PXDNL: variants seen among roughly 807,000 people sequenced by gnomAD.
PXDNL encodes the protein probable oxidoreductase PXDNL.
PXDNL carries 145 observed loss-of-function variants against 150.8 expected under a neutral mutation model. That is an observed-to-expected ratio of 0.96 (90% CI 0.84 to 1.10). PXDNL has a LOEUF of 1.10. Ranked by LOEUF, PXDNL falls within the 50% of genes least tolerant of loss-of-function variation. The pLI, the probability that PXDNL is intolerant of heterozygous loss-of-function variation, is 0.00. For missense variants in PXDNL, 2,087 were observed against 1,873.9 expected (o/e 1.11, Z -2.10); for synonymous variants, 757 against 725.7 (o/e 1.04, Z -0.69).
At chr8:51,549,009 A>C (rs1170809158) in intron 4 of PXDNL, among the ~76,000 whole-genome samples, 6 of 152,218 alleles carry the variant, frequency 3.9e-5, no homozygotes, top group Non-Finnish European at 5.9e-5. Flanking sequence ...ATGGAAACCA[A>C]AAGCAAGCAG....
chr8:51,772,907 C>A (rs1004398727), intron 1 of PXDNL, among the ~76,000 whole-genome samples: 20 of 152,194 alleles, frequency 1.3e-4, no homozygotes, highest in African/African-American at 4.8e-4. Flanking sequence ...AGCAAGACAA[C>A]TACACAAGGC....
At chr8:51,744,791 AAGAGAAAGAG>A (rs2036958983) in intron 1 of PXDNL, among the ~76,000 whole-genome samples, 3 of 150,492 alleles carry the variant, frequency 2.0e-5, no homozygotes, top group African/African-American at 7.3e-5. Context: ...AAGAGAGAAA[AAGAGAAAGAG>A]AGAGAAAGAA....
intron 2 of PXDNL, among the ~76,000 whole-genome samples, chr8:51,607,130 G>A (rs34249726): frequency 0.084 from 12,846 of 152,106 alleles, 622 homozygotes; most frequent in South Asian, 0.095. Flanking sequence ...GAACACTTTA[G>A]AAACCAATAT....
intron 1 of PXDNL, among the ~76,000 whole-genome samples, chr8:51,667,477 G>A (rs982356262): frequency 1.3e-5 from 2 of 152,054 alleles, no homozygotes; most frequent in South Asian, 2.1e-4. Flanking sequence ...TACTACTTAC[G>A]CAAAAATAGT....
At position 51,409,446 on chromosome 8, in the gene PXDNL, C is replaced by A; in HGVS notation, c.2178G>T (p.Lys726Asn). ...TGCACGTGCCGTCGTGGGCGCGGTACTTCGCATGGAAACACCGGTTGGAGC... is the reference window on the plus strand; with the variant it reads ...TGCACGTGCCGTCGTGGGCGCGGTAATTCGCATGGAAACACCGGTTGGAGC... ...PNCSNRCFHAKYRAHDGTCNN... is the reference protein window; with the variant it reads ...PNCSNRCFHANYRAHDGTCNN... The change falls in exon 17 of 23, where the codon AAG becomes AAT. Residue 726 changes from lysine to asparagine, a missense_variant. Coordinates refer to ENST00000356297, the MANE Select transcript of PXDNL (RefSeq NM_144651.5). The A allele has an allele frequency of 6.2e-7, 1 of 1,612,710 alleles. No homozygotes were observed. The highest frequency in any genetic ancestry group is 1.1e-5 in the South Asian group (1 of 91,080).
intron 6 of PXDNL, among the ~76,000 whole-genome samples, chr8:51,481,283 CAA>C (rs1810598456): frequency 6.6e-6 from 1 of 152,124 alleles, no homozygotes; most frequent in Non-Finnish European, 1.5e-5. Flanking sequence ...TCTTCCTATG[CAA>C]AGAGACTGGT....
rs889848800 is a variant in PXDNL, at chr8:51,599,722, T to G, written c.237-7024A>C. Among the ~76,000 whole-genome samples, 979 of 145,254 alleles carry G rather than the reference T, an allele frequency of 6.7e-3. 6 individuals carry two copies. Among genetic ancestry groups the G allele is most frequent in the South Asian group, 0.013 (58 of 4,626 alleles). ...TATCTTATATAAATGATGTCATTTA[T>G]ATAATAAATTATATCTTATATAAAT... On this transcript the variant is annotated intron_variant, in intron 2 of 22. Transcript: ENST00000356297.
chr8:51,464,055 A>C (rs1246597768), intron 8 of PXDNL, among the ~76,000 whole-genome samples: 1 of 152,058 alleles, frequency 6.6e-6, no homozygotes, highest in Non-Finnish European at 1.5e-5. Context: ...ACTAACCCAA[A>C]AGTGAAGCAG....
intron 8 of PXDNL, among the ~76,000 whole-genome samples, chr8:51,459,569 A>G (rs1810017518): frequency 6.6e-6 from 1 of 152,220 alleles, no homozygotes; most frequent in Non-Finnish European, 1.5e-5. Flanking sequence ...TTCAAAATGC[A>G]TCATTCCTTT....
intron 1 of PXDNL, among the ~76,000 whole-genome samples, chr8:51,739,270 A>G (rs1054084261): frequency 6.6e-6 from 1 of 152,168 alleles, no homozygotes; most frequent in Non-Finnish European, 1.5e-5. Context: ...GAGCATCTAT[A>G]AAAGTCCAAC....
chr8:51,736,930 C>G (rs181884394), intron 1 of PXDNL, among the ~76,000 whole-genome samples: 2 of 152,178 alleles, frequency 1.3e-5, no homozygotes. Flanking sequence ...TTTTTAATAC[C>G]TAAAATGAAT....
Position 51,527,508 on chromosome 8 carries a change from T to C in PXDNL, c.381-27738A>G, listed in dbSNP as rs530590041. Among the ~76,000 whole-genome samples the C allele has an allele frequency of 1.1e-4, 16 of 152,354 alleles. No homozygotes were observed. The East Asian group carries it at 2.9e-3, about 28-fold the overall frequency. The stretch of plus-strand genomic sequence containing the variant: ...GCCAAACACTGTTCCAGCTGCTTTA[T>C]ATGAAGTATCCGATTTGTTCTACAA... On this transcript the variant is annotated intron_variant, in intron 4 of 22. Coordinates refer to ENST00000356297, the MANE Select transcript of PXDNL (RefSeq NM_144651.5).
chr8:51,510,879 T>A (rs1004500238), intron 4 of PXDNL, among the ~76,000 whole-genome samples: 9 of 152,130 alleles, frequency 5.9e-5, no homozygotes, highest in African/African-American at 1.9e-4. Context: ...TGTATTTTTT[T>A]AAGCACTAAT....
rs756825570 is a variant in PXDNL at position 51,453,798 on chromosome 8, G to T, written c.983-13C>A. On this transcript the variant is annotated splice_polypyrimidine_tract_variant and intron_variant, in intron 9 of 22. Coordinates refer to ENST00000356297, the MANE Select transcript of PXDNL (RefSeq NM_144651.5). ...AAGCTTGGTTTGGCTGATGGTAAAG[G>T]GGGAACAAAACGAAATCCAGCAAGT... The T allele has an allele frequency of 6.2e-7, 1 of 1,610,698 alleles. No homozygotes were observed. Among genetic ancestry groups the T allele is most frequent in the Non-Finnish European group, 8.5e-7 (1 of 1,177,720 alleles).
intron 1 of PXDNL, among the ~76,000 whole-genome samples, chr8:51,760,976 A>AG (rs1227124193): frequency 7.2e-6 from 1 of 139,838 alleles, no homozygotes; most frequent in African/African-American, 2.7e-5. Context: ...CTCCTGCCTC[A>AG]GCCTCCGGAG....
chr8:51,587,918 C>T lies in PXDNL; in HGVS notation c.308+4709G>A, dbSNP rs145654486. Among the ~76,000 whole-genome samples, 225 of 152,124 alleles carry T rather than the reference C, an allele frequency of 1.5e-3. 1 individual carries two copies. The highest frequency in any genetic ancestry group is 5.1e-3 in the African/African-American group (213 of 41,500). Reference sequence around the variant, plus strand: ...CATGGCCACCCGACCTCACAGAATCCAGTGGGGAAATCAGAAAATAAATAA... The same window carrying T: ...CATGGCCACCCGACCTCACAGAATCTAGTGGGGAAATCAGAAAATAAATAA... On this transcript the variant is annotated intron_variant, in intron 3 of 22. Coordinates refer to ENST00000356297, the MANE Select transcript of PXDNL (RefSeq NM_144651.5).
At chr8:51,507,255 G>T (rs560864201) in intron 4 of PXDNL, among the ~76,000 whole-genome samples, 1 of 152,304 alleles carries the variant, frequency 6.6e-6, no homozygotes, top group South Asian at 2.1e-4. Context: ...TAAAGATAAA[G>T]AAAGGTTATA....
At position 51,319,779 on chromosome 8, in the gene PXDNL, T is replaced by G; in HGVS notation, c.*112A>C. ...GTAAGATTAGATGAACTAAGTTGCT[T>G]AAGTCAGTGGTTTCCATATCAACAA... On this transcript the variant is annotated 3_prime_UTR_variant, in exon 23 of 23. Transcript: ENST00000356297. 1 of 940,608 alleles carries G rather than the reference T, an allele frequency of 1.1e-6. No individual in the cohort carries two copies. The highest frequency in any genetic ancestry group is 1.5e-6 in the Non-Finnish European group (1 of 682,718). The allele number at this position is 940,608 out of a possible 1,614,324, so 58.3% of individuals were successfully genotyped here.
At chr8:51,754,194 G>A (rs2037074300) in intron 1 of PXDNL, among the ~76,000 whole-genome samples, 1 of 152,188 alleles carries the variant, frequency 6.6e-6, no homozygotes, top group African/African-American at 2.4e-5. Flanking sequence ...TATGTGGAGG[G>A]AACAGGATTT....
Sources: gnomAD v4.1 joint callset for allele counts (sites outside exome capture counted in the v4.1 genomes callset) on GRCh38, gnomAD v4.1.1 for gene constraint, MANE v1.5 for transcripts, NCBI Gene and HGNC (gene_info 2026-07-23, HGNC 2026-07-21) for gene names.